HECTD4: variants seen among roughly 807,000 people sequenced by gnomAD.
HECTD4 encodes the protein HECT domain E3 ubiquitin protein ligase 4.
HECTD4 carries 114 observed loss-of-function variants against 471.5 expected under a neutral mutation model. The observed-to-expected ratio is 0.24, with a 90% CI of 0.21 to 0.28. HECTD4 has a LOEUF of 0.28. Ranked by LOEUF, HECTD4 falls within the 10% of genes least tolerant of loss-of-function variation. The probability of loss-of-function intolerance (pLI) is 1.00; values close to 1 mark genes in which losing one functional copy is unlikely to be tolerated. For synonymous variants in HECTD4, 2,012 were observed against 2,256.0 expected, an observed-to-expected ratio of 0.89 and a Z score of 3.07; for missense variants, 3,866 against 5,651.5, an observed-to-expected ratio of 0.68 and a Z score of 10.13.
intron 54 of HECTD4, chr12:112,201,135 C>T (rs569518509): frequency 1.8e-5 from 8 of 452,980 alleles, no homozygotes; most frequent in African/African-American, 6.0e-5. Flanking sequence ...ACCGTGTCAT[C>T]CAAGCTGGAG....
At chr12:112,226,475 A>G (rs2135561223) in intron 44 of HECTD4, 168 bp downstream of exon 44, 1 of 444,392 alleles carries the variant, frequency 2.3e-6, no homozygotes, top group East Asian at 3.2e-5. Context: ...AAAGCTTTTT[A>G]TTTACATTTC....
intron 61 of HECTD4, 84 bp from the exon 62 acceptor site, chr12:112,183,350 C>A: frequency 9.4e-7 from 1 of 1,059,346 alleles, no homozygotes; most frequent in Non-Finnish European, 1.4e-6. Flanking sequence ...CCACCTTTTC[C>A]TGGAAACCCT....
chr12:112,336,299 G>A (rs2035957296), intron 1 of HECTD4, among the ~76,000 whole-genome samples: 1 of 152,112 alleles, frequency 6.6e-6, no homozygotes, highest in African/African-American at 2.4e-5. Flanking sequence ...CGAGGCAGGT[G>A]GATCATGAGG....
intron 18 of HECTD4, 42 bp from the exon 19 acceptor site, chr12:112,259,307 C>T (rs772535501): frequency 1.2e-6 from 2 of 1,603,306 alleles, no homozygotes; most frequent in East Asian, 2.2e-5. Flanking sequence ...AAGCAATGCC[C>T]AAACATGTGA....
chr12:112,193,611 T>C lies in HECTD4; in HGVS notation c.8813A>G (p.Gln2938Arg), dbSNP rs1566067648. ...AQSLQHCIHS[Q>R]NCSATDLFYQ... is the part of the protein sequence containing the mutation. ...AAAGAGGTCCGTGGCGGAGCAGTTC[T>C]GGGAATGGATGCAATGCTGTAAAGA... Residue 2938 changes from glutamine (Q) to arginine (R), a missense_variant, in exon 57 of 76, where the codon CAG (glutamine) becomes CGG (arginine). By Grantham distance (43) the Gln-to-Arg change is conservative (BLOSUM62 1). This residue lies in a region of HECTD4 where 364 missense variants were observed against 413.2 expected (regional missense o/e 0.88). Coordinates refer to ENST00000682272, the MANE Select transcript of HECTD4 (RefSeq NM_001388303.1). The surrounding 1 kb of genome is among the most constrained non-coding windows in gnomAD (Gnocchi z 5.2). 1 of 1,613,244 alleles carries C rather than the reference T, an allele frequency of 6.2e-7. No homozygotes were observed. Among genetic ancestry groups the C allele is most frequent in the Admixed American group, 1.7e-5 (1 of 59,918 alleles).
rs1166197178 is a variant in HECTD4 at position 112,243,980 on chromosome 12, T to C, written c.4543A>G (p.Ile1515Val). Residue 1515 changes from isoleucine (I) to valine (V), a missense_variant, in exon 30 of 76, where the codon ATA becomes GTA. Ile to Val is a conservative substitution (Grantham distance 29). This residue lies in a region of HECTD4 where 49 missense variants were observed against 43.6 expected (regional missense o/e 1.12). Transcript: ENST00000682272. The surrounding 1 kb of genome is among the most constrained non-coding windows in gnomAD (Gnocchi z 6.6). The part of the protein sequence containing the change: ...ACKSASETKV[I>V]SHAVRQPVFL... ...ACAGGCTGCCTGACAGCGTGAGATA[T>C]CACTTTTGTTTCAGAAGCTGATTTA... 4 of 1,613,902 alleles carry C rather than the reference T, an allele frequency of 2.5e-6. No homozygotes were observed. Among genetic ancestry groups the C allele is most frequent in the South Asian group, 1.1e-5 (1 of 91,070 alleles).
intron 52 of HECTD4, among the ~76,000 whole-genome samples, chr12:112,207,592 C>T (rs1321209107): frequency 1.3e-5 from 2 of 152,168 alleles, no homozygotes; most frequent in African/African-American, 2.4e-5. Context: ...AGTATGACTT[C>T]AGATGTGAAC....
intron 7 of HECTD4, among the ~76,000 whole-genome samples, chr12:112,283,564 G>A (rs2034689505): frequency 6.6e-6 from 1 of 152,116 alleles, no homozygotes; most frequent in Non-Finnish European, 1.5e-5. Flanking sequence ...CCTTACACTG[G>A]ATTCCACAGG....
intron 39 of HECTD4, 128 bp from the exon 40 acceptor site, chr12:112,230,950 C>T (rs1280961380): frequency 1.4e-5 from 11 of 812,190 alleles, no homozygotes; most frequent in African/African-American, 8.7e-5. Context: ...TTCCATTGAC[C>T]GAGAAAACAA....
Position 112,172,878 on chromosome 12 carries a change from G to A in HECTD4, c.11595-17C>T. 6.2e-7 allele frequency: 1 copy of A among 1,611,416 alleles called. No individual in the cohort carries two copies. The highest frequency in any genetic ancestry group is 8.5e-7 in the Non-Finnish European group (1 of 1,177,800). On this transcript the variant is annotated splice_polypyrimidine_tract_variant and intron_variant, in intron 66 of 75. Coordinates refer to ENST00000682272, the MANE Select transcript of HECTD4 (RefSeq NM_001388303.1). ...CATGCGCACCTTGGGGTGGGGACAG[G>A]GGGAGAGGGGCAAAGTGAGGCAGGG... is the stretch of plus-strand genomic sequence containing the variant.
At position 112,243,587 on chromosome 12, in the gene HECTD4, C is replaced by CTA; in HGVS notation, c.4791+31_4791+32dup. 1 of 1,604,368 alleles carries CTA rather than the reference C, an allele frequency of 6.2e-7. No individual in the cohort carries two copies. The highest frequency in any genetic ancestry group is 8.5e-7 in the Non-Finnish European group (1 of 1,174,596). ...GCAAGACCCCGCATGCTGTTAGGTGCTATTCATCTGGAGCCCGCAAAATGT... is the reference window on the plus strand; with the variant it reads ...GCAAGACCCCGCATGCTGTTAGGTGCTATATTCATCTGGAGCCCGCAAAATGT... On this transcript the variant is annotated intron_variant, in intron 31 of 75. Transcript: ENST00000682272. The surrounding 1 kb of genome is among the most constrained non-coding windows in gnomAD (Gnocchi z 6.6).
At chr12:112,333,845 C>T (rs1167102158) in intron 1 of HECTD4, among the ~76,000 whole-genome samples, 2 of 152,082 alleles carry the variant, frequency 1.3e-5, no homozygotes, top group Non-Finnish European at 2.9e-5. Flanking sequence ...GAAATGCAAA[C>T]ATTTATCCTG....
At position 112,211,144 on chromosome 12, in the gene HECTD4, G is replaced by A. The variant is rs141281384; in HGVS notation, c.7630-892C>T. ...AGGTGGGCGGATCATGAGGTCAGGA[G>A]TTCAAGACCAGCCTAGCCAACATGG... On this transcript the variant is annotated intron_variant, in intron 49 of 75. Transcript: ENST00000682272. 7.0e-3 allele frequency among the ~76,000 whole-genome samples: 1,069 copies of A among 152,258 alleles called. 17 individuals carry two copies. Among genetic ancestry groups the A allele is most frequent in the African/African-American group, 0.025 (1,020 of 41,546 alleles).
At chr12:112,251,783 TA>T (rs1354469344) in intron 23 of HECTD4, among the ~76,000 whole-genome samples, 1 of 152,218 alleles carries the variant, frequency 6.6e-6, no homozygotes, top group Non-Finnish European at 1.5e-5. Context: ...GTTTGTTTTT[TA>T]ATTTTTGAGA....
chr12:112,371,028 G>A (rs1032644163), intron 1 of HECTD4, among the ~76,000 whole-genome samples: 1 of 152,058 alleles, frequency 6.6e-6, no homozygotes, highest in Non-Finnish European at 1.5e-5. Flanking sequence ...GGGCACTTTC[G>A]GCAATTGACA....
At position 112,243,947 on chromosome 12, in the gene HECTD4, G is replaced by A; in HGVS notation, c.4576C>T (p.Arg1526Cys). Residue 1526 changes from arginine (R) to cysteine (C), a missense_variant, in exon 30 of 76, where the codon CGC becomes TGC. Physicochemically the swap from Arg to Cys is radical, Grantham distance 180. Coordinates refer to ENST00000682272, the MANE Select transcript of HECTD4 (RefSeq NM_001388303.1). The surrounding 1 kb of genome is among the most constrained non-coding windows in gnomAD (Gnocchi z 6.6). ...AGGTCAGAAGGAGCTGACATGCTGC[G>A]AAGAAAAACAGGCTGCCTGACAGCG... ...SHAVRQPVFL[R>C]SMSAPSDLEM... 6.2e-7 allele frequency: 1 copy of A among 1,613,912 alleles called. No homozygotes were observed. The highest frequency in any genetic ancestry group is 8.5e-7 in the Non-Finnish European group (1 of 1,179,866).
In HECTD4 at chr12:112,190,921, G is replaced by C; in HGVS notation, c.9337C>G (p.Pro3113Ala). The C allele has an allele frequency of 6.4e-7, 1 of 1,569,380 alleles. No individual in the cohort carries two copies. The stretch of plus-strand genomic sequence containing the variant: ...GCCATAGCCAGTGGGAACTCCAGGG[G>C]CAGGGAATGTAACACCAGGACTGCT... ...PGAVLVLHSL[P>A]LEFPLAMAFA... The change falls in exon 60 of 76, where the codon CCC becomes GCC. Residue 3113 changes from proline to alanine, a missense_variant. Pro to Ala is a conservative substitution (Grantham distance 27). Transcript: ENST00000682272.
chr12:112,379,717 T>A (rs10850034), intron 1 of HECTD4, among the ~76,000 whole-genome samples: 43,591 of 147,384 alleles, frequency 0.3, 8,657 homozygotes, highest in Non-Finnish European at 0.43. Flanking sequence ...AAAAGATTTT[T>A]TATATATATA....
intron 1 of HECTD4, among the ~76,000 whole-genome samples, chr12:112,361,742 G>A (rs1002599564): frequency 6.6e-6 from 1 of 152,118 alleles, no homozygotes; most frequent in Admixed American, 6.5e-5. Context: ...GCATTTTAAA[G>A]TCCCAGGTTA....
Sources: gnomAD v4.1 joint callset for allele counts (sites outside exome capture counted in the v4.1 genomes callset) on GRCh38, gnomAD v4.1.1 for gene constraint, gnomAD v4.1.1 regional missense constraint, Gnocchi (gnomAD v3.1) non-coding constraint, MANE v1.5 for transcripts, NCBI Gene and HGNC (gene_info 2026-07-23, HGNC 2026-07-21) for gene names.